The following KMT2C variants were observed in gnomAD, a reference collection of about 807,000 sequenced individuals.
KMT2C encodes histone-lysine N-methyltransferase 2C.
In KMT2C, 88 loss-of-function variants were observed where a neutral mutation model predicts 507.9. That is an observed-to-expected ratio of 0.17 (90% CI 0.15 to 0.21). The LOEUF (loss-of-function observed/expected upper bound fraction) is 0.21. Ranked by LOEUF, KMT2C falls within the 10% of genes least tolerant of loss-of-function variation. The pLI is 1.00. For synonymous variants in KMT2C, 2,049 were observed against 2,080.8 expected (o/e 0.98, Z 0.42); for missense variants, 4,954 against 5,957.8 (o/e 0.83, Z 5.55).
rs751433649 is a variant in KMT2C at position 152,149,133 on chromosome 7, G to A, written c.12794C>T (p.Pro4265Leu). 3.3e-5 allele frequency: 48 copies of A among 1,457,518 alleles called. No individual in the cohort carries two copies. Among genetic ancestry groups the A allele is most frequent in the African/African-American group, 4.3e-5 (3 of 70,386 alleles). The allele number at this position is 1,457,518 out of a possible 1,614,324, so 90.3% of individuals were successfully genotyped here. The stretch of plus-strand genomic sequence containing the variant: ...AGGCGTTTCTCTCATAGGTGATTGT[G>A]GCAATGAAGGAATGGATTCCTGGGC... ...SENKESIPSL[P>L]QSPMRETPSK... The change falls in exon 52 of 59, where the codon CCA becomes CTA. Residue 4265 changes from proline to leucine, a missense_variant. By Grantham distance (98) the Pro-to-Leu change is moderately conservative. Transcript: ENST00000262189.
chr7:152,160,891 G>C (rs1030027431), intron 43 of KMT2C, among the ~76,000 whole-genome samples: 1 of 151,978 alleles, frequency 6.6e-6, no homozygotes, highest in Non-Finnish European at 1.5e-5. Context: ...GAGAACACGA[G>C]CATCAACACA....
At chr7:152,314,683 G>A (rs1185671308) in intron 4 of KMT2C, among the ~76,000 whole-genome samples, 1 of 152,108 alleles carries the variant, frequency 6.6e-6, no homozygotes, top group African/African-American at 2.4e-5. Context: ...ATGAATGAAT[G>A]ACACAAAAGA....
chr7:152,173,165 C>T (rs1005370803), intron 39 of KMT2C, among the ~76,000 whole-genome samples: 16 of 152,130 alleles, frequency 1.1e-4, no homozygotes, highest in Non-Finnish European at 2.1e-4. Flanking sequence ...GCTTCTTAAC[C>T]ATGTCCAAAG....
chr7:152,229,244 T>G (rs1313964813), intron 18 of KMT2C, among the ~76,000 whole-genome samples: 5 of 152,170 alleles, frequency 3.3e-5, no homozygotes, highest in Non-Finnish European at 7.4e-5. Context: ...TATACCTCCA[T>G]GCTTGCTTCC....
intron 23 of KMT2C, among the ~76,000 whole-genome samples, chr7:152,215,025 T>C (rs563704844): frequency 6.7e-4 from 102 of 152,096 alleles, no homozygotes; most frequent in Admixed American, 1.8e-3. Flanking sequence ...ATCATTTCAC[T>C]ATGTATACAA....
chr7:152,395,770 G>A (rs1423214754), intron 1 of KMT2C, among the ~76,000 whole-genome samples: 1 of 152,068 alleles, frequency 6.6e-6, no homozygotes, highest in African/African-American at 2.4e-5. Flanking sequence ...AGCCTCAGGC[G>A]TGAACCACCC....
chr7:152,276,369 C>T (rs948335805), intron 6 of KMT2C, among the ~76,000 whole-genome samples: 26 of 152,060 alleles, frequency 1.7e-4, no homozygotes, highest in African/African-American at 6.0e-4. Context: ...AGAAATCAAG[C>T]AAGTTAAAAT....
At chr7:152,221,040 G>A (rs759038229) in intron 22 of KMT2C, among the ~76,000 whole-genome samples, 4 of 152,106 alleles carry the variant, frequency 2.6e-5, no homozygotes, top group Non-Finnish European at 4.4e-5. Flanking sequence ...GGCAGATCAC[G>A]AGGTCATGAG....
At chr7:152,303,392 G>A (rs531282329) in intron 6 of KMT2C, among the ~76,000 whole-genome samples, 280 of 152,252 alleles carry the variant, frequency 1.8e-3, no homozygotes, top group Middle Eastern at 3.4e-3. Flanking sequence ...GGCAGTCCTG[G>A]CCTCTACCCA....
Position 152,176,548 on chromosome 7 carries a change from T to G in KMT2C, c.8905A>C (p.Met2969Leu). ...GAGACTACTGTCACATTAGAATTCA[T>G]GGCATTATCCAAAACACGGCCAGGC... Reference protein sequence around the residue: ...APPGRVLDNAMNSNVTVVSRV... With the variant: ...APPGRVLDNALNSNVTVVSRV... The change falls in exon 38 of 59, where the codon ATG becomes CTG. Residue 2969 changes from methionine to leucine, a missense_variant. Met to Leu is a conservative substitution (Grantham distance 15). Coordinates refer to ENST00000262189, the MANE Select transcript of KMT2C (RefSeq NM_170606.3). The G allele has an allele frequency of 6.2e-7, 1 of 1,614,178 alleles. No homozygotes were observed. The highest frequency in any genetic ancestry group is 8.5e-7 in the Non-Finnish European group (1 of 1,180,028).
intron 38 of KMT2C, among the ~76,000 whole-genome samples, chr7:152,175,914 G>A (rs989578852): frequency 4.6e-5 from 7 of 152,236 alleles, no homozygotes; most frequent in South Asian, 4.1e-4. Flanking sequence ...ATGGTGGCAC[G>A]TGTCTGTAGT....
intron 1 of KMT2C, among the ~76,000 whole-genome samples, chr7:152,424,462 G>C (rs1201828192): frequency 6.6e-6 from 1 of 151,474 alleles, no homozygotes; most frequent in Non-Finnish European, 1.5e-5. Flanking sequence ...TCACTCTGTC[G>C]CCCAGGCTTG....
chr7:152,182,874 T>G, intron 35 of KMT2C, 100 bp downstream of exon 35: 1 of 857,818 alleles, frequency 1.2e-6, no homozygotes, highest in Non-Finnish European at 1.8e-6. Context: ...AATCAAATTT[T>G]CATGGTCTAA....
intron 9 of KMT2C, among the ~76,000 whole-genome samples, chr7:152,256,272 A>G (rs2095660489): frequency 6.7e-6 from 1 of 150,262 alleles, no homozygotes; most frequent in Non-Finnish European, 1.5e-5. Context: ...TCAAAAATCC[A>G]GAAGCAAAAG....
chr7:152,180,192 CTTTTTA>C, intron 36 of KMT2C, 66 bp from the exon 37 acceptor site: 1 of 1,543,648 alleles, frequency 6.5e-7, no homozygotes, highest in Non-Finnish European at 8.9e-7. Context: ...AGGTTACTGG[CTTTTTA>C]TTTTTAGATA....
chr7:152,367,622 TAC>T (rs1204136879), intron 1 of KMT2C: 26 of 1,385,156 alleles, frequency 1.9e-5, no homozygotes, highest in Admixed American at 1.7e-5. Flanking sequence ...AAAAAGACTA[TAC>T]AGGTGGACAA....
intron 1 of KMT2C, among the ~76,000 whole-genome samples, chr7:152,406,823 G>GTT (rs2097620390): frequency 6.3e-4 from 85 of 135,974 alleles, no homozygotes; most frequent in African/African-American, 2.6e-3. Context: ...GCCAAAAAAG[G>GTT]GTTTTTTTAT....
intron 1 of KMT2C, among the ~76,000 whole-genome samples, chr7:152,400,183 G>GTTACC (rs1564120568): frequency 6.6e-6 from 1 of 152,042 alleles, no homozygotes; most frequent in Admixed American, 6.6e-5. Flanking sequence ...GTGGTAGCAG[G>GTTACC]TGCCTGTAGT....
chr7:152,284,172 T>C (rs2096262354), intron 6 of KMT2C, among the ~76,000 whole-genome samples: 1 of 152,146 alleles, frequency 6.6e-6, no homozygotes, highest in African/African-American at 2.4e-5. Flanking sequence ...AGATATGTAA[T>C]TGTGCTATTG....
Sources: allele counts gnomAD v4.1 joint callset (sites outside exome capture counted in the v4.1 genomes callset), GRCh38; gene constraint gnomAD v4.1.1; transcripts MANE v1.5; gene names NCBI Gene and HGNC (gene_info 2026-07-23, HGNC 2026-07-21).